TBC1D1: variants seen among roughly 807,000 people sequenced by gnomAD.
The protein encoded by TBC1D1 is TBC1 domain family member 1, also known as TBC1 (tre-2/USP6, BUB2, cdc16) domain family, member 1.
Under a neutral mutation model 125.6 loss-of-function variants are expected in TBC1D1, and 89 were observed. The observed-to-expected ratio is 0.71, with a 90% CI of 0.60 to 0.85. The LOEUF (loss-of-function observed/expected upper bound fraction) is 0.85, where lower values mean the gene tolerates loss of function less well. Ranked by LOEUF, TBC1D1 falls within the 40% of genes least tolerant of loss-of-function variation. TBC1D1 has a pLI of 0.00. For synonymous variants in TBC1D1, 565 were observed against 564.1 expected, an observed-to-expected ratio of 1.00 and a Z score of -0.02; for missense variants, 1,377 against 1,469.2, an observed-to-expected ratio of 0.94 and a Z score of 1.03.
Position 38,049,816 on chromosome 4 carries a change from C to T in TBC1D1, c.1828C>T (p.Pro610Ser), listed in dbSNP as rs767039618. ...CATCGAATGCCAGGAACCTCCACAA[C>T]CTGCCCGGGGGTCCCCGGGGGTTTC... Residue 610 changes from proline (P) to serine (S), a missense_variant, in exon 11 of 20, where the codon CCT becomes TCT. Pro to Ser is a moderately conservative substitution (Grantham distance 74, BLOSUM62 -1). Transcript: ENST00000261439. The T allele has an allele frequency of 2.5e-6, 4 of 1,614,166 alleles. No homozygotes were observed. The highest frequency in any genetic ancestry group is 2.7e-5 in the African/African-American group (2 of 75,038).
chr4:38,020,033 A>G (rs186288811), intron 4 of TBC1D1, among the ~76,000 whole-genome samples: 1 of 152,300 alleles, frequency 6.6e-6, no homozygotes, highest in African/African-American at 2.4e-5. Context: ...CAAATACTAA[A>G]ATGAGCACTA....
intron 12 of TBC1D1, among the ~76,000 whole-genome samples, chr4:38,057,158 C>T (rs897609120): frequency 1.3e-5 from 2 of 152,154 alleles, no homozygotes; most frequent in African/African-American, 2.4e-5. Flanking sequence ...CCCCTGTCAG[C>T]GCTAGGCAGA....
intron 14 of TBC1D1, among the ~76,000 whole-genome samples, chr4:38,096,972 A>G (rs778717102): frequency 1.3e-4 from 20 of 152,238 alleles, no homozygotes; most frequent in Non-Finnish European, 2.1e-4. Context: ...CTAGTCAAAC[A>G]ATGATTTCTT....
chr4:38,004,277 C>G (rs1000483699), intron 2 of TBC1D1, among the ~76,000 whole-genome samples: 1 of 152,168 alleles, frequency 6.6e-6, no homozygotes, highest in African/African-American at 2.4e-5. Context: ...TGGCTCCCTC[C>G]GGATGGAATG....
chr4:38,006,798 C>A, intron 2 of TBC1D1: 1 of 509,722 alleles, frequency 2.0e-6, no homozygotes. Context: ...TTCTTTTATG[C>A]TGCTCTTTTC....
At chr4:37,990,983 C>T (rs1419493709) in intron 2 of TBC1D1, among the ~76,000 whole-genome samples, 1 of 141,450 alleles carries the variant, frequency 7.1e-6, no homozygotes, top group African/African-American at 2.6e-5. Flanking sequence ...CAATCTATTT[C>T]TTTTGCCTCT....
At chr4:38,024,114 T>C (rs1744617255) in intron 6 of TBC1D1, among the ~76,000 whole-genome samples, 1 of 152,258 alleles carries the variant, frequency 6.6e-6, no homozygotes, top group Non-Finnish European at 1.5e-5. Context: ...ATTTGTAGCA[T>C]TACAGTGCTC....
At chr4:38,040,351 C>T (rs1366528378) in intron 8 of TBC1D1, among the ~76,000 whole-genome samples, 2 of 152,150 alleles carry the variant, frequency 1.3e-5, no homozygotes, top group Non-Finnish European at 2.9e-5. Flanking sequence ...TGCAGCGGCA[C>T]AATCTTGGCT....
chr4:37,984,291 T>G (rs1047210575), intron 2 of TBC1D1, among the ~76,000 whole-genome samples: 1 of 152,186 alleles, frequency 6.6e-6, no homozygotes, highest in Non-Finnish European at 1.5e-5. Context: ...GAAGTATGAT[T>G]GATAGATTGT....
intron 7 of TBC1D1, among the ~76,000 whole-genome samples, chr4:38,032,930 C>G (rs1185427812): frequency 1.3e-5 from 2 of 151,824 alleles, no homozygotes; most frequent in Non-Finnish European, 2.9e-5. Context: ...GAGGTGACAC[C>G]TCACTAATTG....
At chr4:37,970,417 T>C (rs1340835749) in intron 2 of TBC1D1, among the ~76,000 whole-genome samples, 4 of 152,230 alleles carry the variant, frequency 2.6e-5, no homozygotes, top group Non-Finnish European at 5.9e-5. Context: ...TCTCCTCCTA[T>C]GCAAGGCCTG....
intron 2 of TBC1D1, among the ~76,000 whole-genome samples, chr4:37,974,203 C>T (rs762671658): frequency 6.6e-6 from 1 of 152,126 alleles, no homozygotes; most frequent in Non-Finnish European, 1.5e-5. Flanking sequence ...GCGTCTAAGG[C>T]CCTTTTCAAG....
At chr4:37,902,588 T>A in intron 2 of TBC1D1, 76 bp downstream of exon 2, 1 of 1,162,264 alleles carries the variant, frequency 8.6e-7, no homozygotes, top group Non-Finnish European at 1.2e-6. Flanking sequence ...GATATTTATT[T>A]TAAGTATACT....
intron 15 of TBC1D1, among the ~76,000 whole-genome samples, chr4:38,112,400 G>A (rs950667853): frequency 1.3e-5 from 2 of 152,262 alleles, no homozygotes; most frequent in African/African-American, 4.8e-5. Context: ...TCATAAGTGT[G>A]CCCTTTTGTC....
chr4:37,900,110 G>A (rs989877928), intron 1 of TBC1D1, among the ~76,000 whole-genome samples: 7 of 147,904 alleles, frequency 4.7e-5, no homozygotes, highest in Non-Finnish European at 7.4e-5. Flanking sequence ...GACAGAGCGA[G>A]GAGCCGTCTC....
At chr4:38,037,511 A>G (rs866031123) in intron 8 of TBC1D1, among the ~76,000 whole-genome samples, 1 of 152,256 alleles carries the variant, frequency 6.6e-6, no homozygotes, top group South Asian at 2.1e-4. Context: ...CAGCTGCTTT[A>G]TAGACCCATT....
intron 12 of TBC1D1, among the ~76,000 whole-genome samples, chr4:38,089,164 G>T (rs1363074882): frequency 6.6e-6 from 1 of 152,146 alleles, no homozygotes; most frequent in East Asian, 1.9e-4. Flanking sequence ...GAGTATGCCG[G>T]TGTACCTCCT....
intron 14 of TBC1D1, among the ~76,000 whole-genome samples, chr4:38,102,502 G>T (rs1760543416): frequency 6.6e-6 from 1 of 152,072 alleles, no homozygotes; most frequent in African/African-American, 2.4e-5. Context: ...GAAGTGAGGG[G>T]AGAATAGGGG....
Position 38,137,257 on chromosome 4 carries a change from G to A in TBC1D1, c.3429G>A (p.Val1143=), listed in dbSNP as rs755597228. The change falls in exon 20 of 20, where the codon GTG becomes GTA. Residue 1143 remains valine, a synonymous_variant. Transcript: ENST00000261439. ...AGCGGTCGGCCCTGCTGCAGACGGT[G>A]GAGGAGCTGCGGCGGCGGAGCGCAG... 9.3e-6 allele frequency: 15 copies of A among 1,612,048 alleles called. No individual in the cohort carries two copies. The highest frequency in any genetic ancestry group is 1.7e-5 in the Admixed American group (1 of 60,028).
Sources: allele counts gnomAD v4.1 joint callset (sites outside exome capture counted in the v4.1 genomes callset), GRCh38; gene constraint gnomAD v4.1.1; transcripts MANE v1.5; gene names NCBI Gene and HGNC (gene_info 2026-07-23, HGNC 2026-07-21).